Variants in MLYCD observed in about 807,000 individuals in gnomAD.
MLYCD encodes malonyl-CoA decarboxylase.
A neutral mutation model predicts 35.8 loss-of-function variants in MLYCD; 27 were observed. The ratio of observed to expected loss-of-function variants is 0.75; its 90% confidence interval spans 0.56 to 1.04. The LOEUF (loss-of-function observed/expected upper bound fraction) is 1.04, where lower values mean the gene tolerates loss of function less well. MLYCD is among the 50% of genes least tolerant of loss of function. The probability of loss-of-function intolerance (pLI) is 0.00; values close to 1 mark genes in which losing one functional copy is unlikely to be tolerated. For missense variants in MLYCD, 917 were observed against 665.1 expected, an observed-to-expected ratio of 1.38 and a Z score of -4.17; for synonymous variants, 403 against 302.4, an observed-to-expected ratio of 1.33 and a Z score of -3.45.
Position 83,917,365 on chromosome 16 carries a change from C to T in MLYCD, c.*1876C>T, listed in dbSNP as rs1303071233. ...CGAGCGTCTCTGGATCAGTGCACGT[C>T]TGTGCATGTGCACACGTGCATGTGC... On this transcript the variant is annotated 3_prime_UTR_variant, in exon 5 of 5. Coordinates refer to ENST00000262430, the MANE Select transcript of MLYCD (RefSeq NM_012213.3). 1 of 154,534 alleles carries T rather than the reference C, an allele frequency of 6.5e-6. No homozygotes were observed. The highest frequency in any genetic ancestry group is 1.5e-5 in the Non-Finnish European group (1 of 68,290). The allele number at this position is 154,534 out of a possible 1,614,324, so 9.6% of individuals were successfully genotyped here.
intron 3 of MLYCD, among the ~76,000 whole-genome samples, chr16:83,910,684 C>G (rs1907143005): frequency 7.0e-6 from 1 of 143,276 alleles, no homozygotes; most frequent in Non-Finnish European, 1.5e-5. Flanking sequence ...GAGCAAGACT[C>G]CATCTCAAAA....
chr16:83,923,046 G>T lies in MLYCD; in HGVS notation c.*7557G>T, dbSNP rs1335244208. The T allele has an allele frequency of 6.6e-6, 1 of 152,252 alleles. No individual in the cohort carries two copies. Among genetic ancestry groups the T allele is most frequent in the East Asian group, 1.9e-4 (1 of 5,176 alleles). 9.4% of individuals were successfully genotyped at this position (152,252 alleles called of 1,614,324 possible). A position where few individuals can be genotyped will look rare whatever the true frequency, so the allele number is the denominator to read the frequency against. The stretch of plus-strand genomic sequence containing the variant: ...GGCCTCAGAATCTGAACTCCCTGTG[G>T]TCACTCTGAGGCCTCTCTGTCTCTC... On this transcript the variant is annotated 3_prime_UTR_variant, in exon 5 of 5. Transcript: ENST00000262430.
At chr16:83,901,701 A>C (rs996702959) in intron 1 of MLYCD, among the ~76,000 whole-genome samples, 1 of 152,224 alleles carries the variant, frequency 6.6e-6, no homozygotes, top group Non-Finnish European at 1.5e-5. Context: ...AACACGTTGC[A>C]TGGCAACTGA....
At chr16:83,906,194 C>T (rs1906968786) in intron 1 of MLYCD, among the ~76,000 whole-genome samples, 1 of 152,078 alleles carries the variant, frequency 6.6e-6, no homozygotes, top group African/African-American at 2.4e-5. Flanking sequence ...CGAGACTAGC[C>T]TGGGCAACGT....
intron 1 of MLYCD, among the ~76,000 whole-genome samples, chr16:83,906,423 C>T (rs952619114): frequency 1.3e-5 from 2 of 152,084 alleles, no homozygotes; most frequent in Non-Finnish European, 2.9e-5. Flanking sequence ...TAGTCTGTGA[C>T]CCGCCATCAT....
Position 83,915,174 on chromosome 16 carries a change from G to A in MLYCD, c.1167G>A (p.Lys389=). 1 of 1,614,146 alleles carries A rather than the reference G, an allele frequency of 6.2e-7. No homozygotes were observed. Among genetic ancestry groups the A allele is most frequent in the Non-Finnish European group, 8.5e-7 (1 of 1,179,942 alleles). The part of the protein sequence containing the change: ...LSSSEWVQSE[K]LVRALQTPLM... ...GCAGCGAGTGGGTGCAGTCGGAGAA[G>A]CTGGTGCGGGCGCTGCAGACTCCGC... Residue 389 remains lysine, a synonymous_variant, in exon 5 of 5, where the codon AAG becomes AAA. Coordinates refer to ENST00000262430, the MANE Select transcript of MLYCD (RefSeq NM_012213.3).
rs1395329764 is a variant in MLYCD at position 83,922,391 on chromosome 16, G to A, written c.*6902G>A. The A allele has an allele frequency of 2.0e-5, 3 of 152,312 alleles. No homozygotes were observed. The highest frequency in any genetic ancestry group is 2.0e-4 in the Admixed American group (3 of 15,288). 9.4% of individuals were successfully genotyped at this position (152,312 alleles called of 1,614,324 possible). On this transcript the variant is annotated 3_prime_UTR_variant, in exon 5 of 5. Transcript: ENST00000262430. ...AAGAGGCCCAGCCATGCACCCTGCT[G>A]GGGTTCAGACTTGAGGGGTGCCACT...
rs1287261177 is a variant in MLYCD at position 83,915,088 on chromosome 16, A to G, written c.1081A>G (p.Lys361Glu). 6 of 1,614,244 alleles carry G rather than the reference A, an allele frequency of 3.7e-6. No individual in the cohort carries two copies. In the Admixed American group the frequency reaches 1.0e-4, roughly 27 times the overall value. The change falls in exon 5 of 5, where the codon AAG becomes GAG. Residue 361 changes from lysine to glutamate, a missense_variant. Coordinates refer to ENST00000262430, the MANE Select transcript of MLYCD (RefSeq NM_012213.3). ...RNELFTDSEC[K>E]EISEITGGPI... is the part of the protein sequence containing the mutation. ...TGAACTCTTTACAGATTCGGAATGTAAGGAAATCTCGGAGATCACAGGTGG... is the reference window on the plus strand; with the variant it reads ...TGAACTCTTTACAGATTCGGAATGTGAGGAAATCTCGGAGATCACAGGTGG...
At position 83,899,536 on chromosome 16, in the gene MLYCD, A is replaced by G. The variant is rs1906700132; in HGVS notation, c.392A>G (p.Tyr131Cys). Residue 131 changes from tyrosine (Y) to cysteine (C), a missense_variant, in exon 1 of 5, where the codon TAC (tyrosine) becomes TGC (cysteine). By Grantham distance (194) the Tyr-to-Cys change is radical. Transcript: ENST00000262430. ...CTGCAGGCCGAGGACCGGCTGCGCT[A>G]CGCGCTGGTGCCGCGCTATCGCGGC... ...VLLQAEDRLR[Y>C]ALVPRYRGLF... The G allele has an allele frequency of 8.8e-6, 14 of 1,591,172 alleles. No individual in the cohort carries two copies. Among genetic ancestry groups the G allele is most frequent in the Non-Finnish European group, 1.1e-5 (13 of 1,176,992 alleles).
rs1907621829 is a variant in MLYCD at position 83,920,694 on chromosome 16, A to T, written c.*5205A>T. The stretch of plus-strand genomic sequence containing the variant: ...GCAACTCCTAGTTCCCACCTTTCAC[A>T]CCTCATCTCTCTAACCTCTTATGGA... On this transcript the variant is annotated 3_prime_UTR_variant, in exon 5 of 5. Transcript: ENST00000262430. 1 of 152,064 alleles carries T rather than the reference A, an allele frequency of 6.6e-6. No individual in the cohort carries two copies. The highest frequency in any genetic ancestry group is 1.5e-5 in the Non-Finnish European group (1 of 68,012). 9.4% of individuals were successfully genotyped at this position (152,064 alleles called of 1,614,324 possible).
chr16:83,911,551 G>GTGT, intron 3 of MLYCD: 2 of 153,714 alleles, frequency 1.3e-5, no homozygotes, highest in Admixed American at 6.4e-5. Context: ...CCGTGAGAAT[G>GTGT]AGAGGCAATA....
rs559854501 is a variant in MLYCD at position 83,915,490 on chromosome 16, C to G, written c.*1C>G. 6.2e-7 allele frequency: 1 copy of G among 1,610,346 alleles called. No individual in the cohort carries two copies. The highest frequency in any genetic ancestry group is 1.3e-5 in the African/African-American group (1 of 75,056). ...GTTTCAAAAGAACAGCAAGCTCTGA[C>G]AGTAAACCTCTCCTAAAGCACAGGG... On this transcript the variant is annotated 3_prime_UTR_variant, in exon 5 of 5. Transcript: ENST00000262430.
At chr16:83,902,465 CACTT>C (rs1186984025) in intron 1 of MLYCD, among the ~76,000 whole-genome samples, 1 of 150,188 alleles carries the variant, frequency 6.7e-6, no homozygotes, top group Non-Finnish European at 1.5e-5. Context: ...TCACCAGAAT[CACTT>C]AATGTGGTAT....
rs1156327583 is a variant in MLYCD, at chr16:83,917,628, GC to G, written c.*2141del. On this transcript the variant is annotated 3_prime_UTR_variant, in exon 5 of 5. Coordinates refer to ENST00000262430, the MANE Select transcript of MLYCD (RefSeq NM_012213.3). ...CTGATTCTGAAAGAGTGGCTTGCAG[GC>G]CAATCAATGCAATCCTGGCAACCTG... 1 of 152,242 alleles carries G rather than the reference GC, an allele frequency of 6.6e-6. No homozygotes were observed. Among genetic ancestry groups the G allele is most frequent in the East Asian group, 1.9e-4 (1 of 5,190 alleles). The allele number at this position is 152,242 out of a possible 1,614,324, so 9.4% of individuals were successfully genotyped here. A position where few individuals can be genotyped will look rare whatever the true frequency, so the allele number is the denominator to read the frequency against.
Position 83,906,230 on chromosome 16 carries a change from G to A in MLYCD, c.529-757G>A, listed in dbSNP as rs567332687. Among the ~76,000 whole-genome samples, 6 of 149,958 alleles carry A rather than the reference G, an allele frequency of 4.0e-5. No individual in the cohort carries two copies. The South Asian group carries it at 1.3e-3, about 31-fold the overall frequency. On this transcript the variant is annotated intron_variant, in intron 1 of 4. Coordinates refer to ENST00000262430, the MANE Select transcript of MLYCD (RefSeq NM_012213.3). ...GGCAAAACCCCATTTCTACAAAAAAGACAAAAAAAAATTATCCAGGCTTGG... is the reference window on the plus strand; with the variant it reads ...GGCAAAACCCCATTTCTACAAAAAAAACAAAAAAAAATTATCCAGGCTTGG...
At position 83,923,414 on chromosome 16, in the gene MLYCD, C is replaced by T. The variant is rs1907713748; in HGVS notation, c.*7925C>T. ...TGATTTCACCACAGAAAGTCTGCCT[C>T]ATTTGCAGTTTAGCGGACTCACAGA... On this transcript the variant is annotated 3_prime_UTR_variant, in exon 5 of 5. Transcript: ENST00000262430. 1 of 152,238 alleles carries T rather than the reference C, an allele frequency of 6.6e-6. No homozygotes were observed. Among genetic ancestry groups the T allele is most frequent in the African/African-American group, 2.4e-5 (1 of 41,464 alleles). The allele number at this position is 152,238 out of a possible 1,614,324, so 9.4% of individuals were successfully genotyped here. A position where few individuals can be genotyped will look rare whatever the true frequency, so the allele number is the denominator to read the frequency against.
chr16:83,913,394 TC>T (rs1907251828), intron 4 of MLYCD: 1 of 152,418 alleles, frequency 6.6e-6, no homozygotes, highest in African/African-American at 2.4e-5. Flanking sequence ...ATCCCGGGAT[TC>T]GGGGGAGTTG....
Position 83,912,150 on chromosome 16 carries a change from C to T in MLYCD, c.799-68C>T, listed in dbSNP as rs778910544. The T allele has an allele frequency of 2.2e-4, 354 of 1,604,774 alleles. 1 individual carries two copies. Among genetic ancestry groups the T allele is most frequent in the South Asian group, 4.9e-4 (44 of 90,642 alleles). On this transcript the variant is annotated intron_variant, in intron 3 of 4. Coordinates refer to ENST00000262430, the MANE Select transcript of MLYCD (RefSeq NM_012213.3). ...TCTGAGAATTGTCTTCTCGTCCCAG[C>T]AACAGGCTTGCCTCGTGGGCTGCAG... is the stretch of plus-strand genomic sequence containing the variant.
rs1597302242 is a variant in MLYCD, at chr16:83,925,887, C to T, written c.*10398C>T. On this transcript the variant is annotated 3_prime_UTR_variant, in exon 5 of 5. Transcript: ENST00000262430. The stretch of plus-strand genomic sequence containing the variant: ...TCCCCCTTTATTTGCCGTCTTCTCA[C>T]TGGGGCCTCTCCTTCCTGGTAGCTT... The T allele has an allele frequency of 6.6e-6, 1 of 152,518 alleles. No individual in the cohort carries two copies. The highest frequency in any genetic ancestry group is 6.5e-5 in the Admixed American group (1 of 15,286). The allele number at this position is 152,518 out of a possible 1,614,324, so 9.4% of individuals were successfully genotyped here.
Sources: allele counts gnomAD v4.1 joint callset (sites outside exome capture counted in the v4.1 genomes callset), GRCh38; gene constraint gnomAD v4.1.1; transcripts MANE v1.5; gene names NCBI Gene and HGNC (gene_info 2026-07-23, HGNC 2026-07-21).